CHRM3: variants seen among roughly 807,000 people sequenced by gnomAD.
The protein encoded by CHRM3 is muscarinic acetylcholine receptor M3.
Under a neutral mutation model 41.8 loss-of-function variants are expected in CHRM3, and 11 were observed. The observed-to-expected ratio is 0.26, with a 90% CI of 0.17 to 0.44. The LOEUF is 0.44. Among genes scored for constraint, CHRM3 ranks in the 20% least tolerant of loss-of-function variants. The pLI, the probability that CHRM3 is intolerant of heterozygous loss-of-function variation, is 1.00. For missense variants in CHRM3, 571 were observed against 745.4 expected, an observed-to-expected ratio of 0.77 and a Z score of 2.72; for synonymous variants, 297 against 301.4, an observed-to-expected ratio of 0.99 and a Z score of 0.15.
intron 3 of CHRM3, among the ~76,000 whole-genome samples, chr1:239,579,907 G>A (rs536026101): frequency 2.6e-5 from 4 of 152,148 alleles, no homozygotes; most frequent in Admixed American, 1.3e-4. Flanking sequence ...GGAAGAACTC[G>A]AGGCACAGCA....
intron 5 of CHRM3, among the ~76,000 whole-genome samples, chr1:239,741,397 CATT>C: frequency 6.6e-6 from 1 of 152,072 alleles, no homozygotes; most frequent in Non-Finnish European, 1.5e-5. Flanking sequence ...ATAGGGTGGA[CATT>C]TCTCACATGA....
At chr1:239,506,721 A>G (rs907202092) in intron 2 of CHRM3, among the ~76,000 whole-genome samples, 1 of 152,124 alleles carries the variant, frequency 6.6e-6, no homozygotes, top group Non-Finnish European at 1.5e-5. Flanking sequence ...ACTACAGACA[A>G]CTTGCCCCAA....
chr1:239,758,687 A>G (rs185542161), intron 5 of CHRM3, among the ~76,000 whole-genome samples: 6 of 152,248 alleles, frequency 3.9e-5, no homozygotes, highest in Non-Finnish European at 7.3e-5. Flanking sequence ...CTGGACTATT[A>G]AAAGCAATTT....
At chr1:239,727,961 G>A (rs1361645960) in intron 5 of CHRM3, among the ~76,000 whole-genome samples, 1 of 151,916 alleles carries the variant, frequency 6.6e-6, no homozygotes, top group Admixed American at 6.6e-5. Flanking sequence ...AAGACTACTA[G>A]AAAATAAATA....
At chr1:239,650,975 A>G (rs751717091) in intron 4 of CHRM3, among the ~76,000 whole-genome samples, 105 of 152,214 alleles carry the variant, frequency 6.9e-4, no homozygotes, top group Non-Finnish European at 1.1e-3. Flanking sequence ...TAAATTTGTA[A>G]GTATACATAT....
At chr1:239,789,816 C>T (rs546504439) in intron 5 of CHRM3, among the ~76,000 whole-genome samples, 1 of 152,330 alleles carries the variant, frequency 6.6e-6, no homozygotes, top group Admixed American at 6.5e-5. Flanking sequence ...AACATCCAAA[C>T]TTTAGCAACC....
intron 6 of CHRM3, among the ~76,000 whole-genome samples, chr1:239,873,372 T>C (rs956188076): frequency 2.0e-5 from 3 of 152,072 alleles, no homozygotes; most frequent in Non-Finnish European, 4.4e-5. Flanking sequence ...TTTATTATAC[T>C]TTAAGTTCTG....
At chr1:239,757,185 C>T (rs1017942784) in intron 5 of CHRM3, among the ~76,000 whole-genome samples, 2 of 152,076 alleles carry the variant, frequency 1.3e-5, no homozygotes, top group South Asian at 2.1e-4. Flanking sequence ...ATCCTTCATC[C>T]GTGAAATAGT....
chr1:239,499,198 C>A (rs547234135), intron 2 of CHRM3, among the ~76,000 whole-genome samples: 185 of 152,164 alleles, frequency 1.2e-3, no homozygotes, highest in Non-Finnish European at 2.0e-3. Context: ...AGGGATTTGG[C>A]TTCTGGATTT....
chr1:239,475,375 G>C (rs1666400399), intron 1 of CHRM3, among the ~76,000 whole-genome samples: 1 of 152,038 alleles, frequency 6.6e-6, no homozygotes, highest in South Asian at 2.1e-4. Flanking sequence ...TTACCTATAG[G>C]ATTGTCATCC....
chr1:239,485,928 A>G (rs886581466), intron 1 of CHRM3, among the ~76,000 whole-genome samples: 8 of 152,126 alleles, frequency 5.3e-5, no homozygotes, highest in African/African-American at 1.9e-4. Flanking sequence ...TTGTTTCTTT[A>G]TAATTGTCTC....
At chr1:239,754,812 A>T (rs912867597) in intron 5 of CHRM3, among the ~76,000 whole-genome samples, 2 of 152,182 alleles carry the variant, frequency 1.3e-5, no homozygotes, top group African/African-American at 4.8e-5. Flanking sequence ...AAAAATTTCA[A>T]ATTCATGAGT....
At chr1:239,699,813 G>C (rs1660519894) in intron 5 of CHRM3, among the ~76,000 whole-genome samples, 1 of 152,046 alleles carries the variant, frequency 6.6e-6, no homozygotes, top group Non-Finnish European at 1.5e-5. Flanking sequence ...AAAAGAATAA[G>C]GAAAACATAT....
chr1:239,878,658 A>G (rs1677325710), intron 6 of CHRM3, among the ~76,000 whole-genome samples: 1 of 151,714 alleles, frequency 6.6e-6, no homozygotes, highest in South Asian at 2.1e-4. Context: ...TACCATATAT[A>G]TGCCCTATAT....
intron 3 of CHRM3, among the ~76,000 whole-genome samples, chr1:239,593,903 T>C (rs187126289): frequency 6.6e-6 from 1 of 152,336 alleles, no homozygotes; most frequent in African/African-American, 2.4e-5. Context: ...AAGTTCATCA[T>C]TTACTGTGCT....
At chr1:239,877,578 G>A (rs1677211175) in intron 6 of CHRM3, among the ~76,000 whole-genome samples, 1 of 152,148 alleles carries the variant, frequency 6.6e-6, no homozygotes, top group South Asian at 2.1e-4. Flanking sequence ...CAAAACTGCT[G>A]CAGAAAGTAA....
chr1:239,615,734 G>C (rs889078082), intron 3 of CHRM3, among the ~76,000 whole-genome samples: 1 of 151,810 alleles, frequency 6.6e-6, no homozygotes. Context: ...CATTATCATA[G>C]TGCCTCATCC....
chr1:239,833,083 A>G (rs1184365120), intron 6 of CHRM3, among the ~76,000 whole-genome samples: 1 of 152,164 alleles, frequency 6.6e-6, no homozygotes, highest in Admixed American at 6.5e-5. Flanking sequence ...CATAAGCTAC[A>G]AAGCCTTGTA....
intron 6 of CHRM3, among the ~76,000 whole-genome samples, chr1:239,855,580 A>AAC (rs374858035): frequency 2.0e-5 from 3 of 151,830 alleles, no homozygotes; most frequent in Admixed American, 6.6e-5. Context: ...CATACACACA[A>AAC]ACACACACAC....
Sources: allele counts gnomAD v4.1 joint callset (sites outside exome capture counted in the v4.1 genomes callset), GRCh38; gene constraint gnomAD v4.1.1; transcripts MANE v1.5; gene names NCBI Gene and HGNC (gene_info 2026-07-23, HGNC 2026-07-21).